Variants in PCMTD1 observed in about 807,000 individuals in gnomAD.
PCMTD1 encodes protein-L-isoaspartate O-methyltransferase domain-containing protein 1.
PCMTD1 carries 12 observed loss-of-function variants against 37.6 expected under a neutral mutation model. That is an observed-to-expected ratio of 0.32 (90% confidence interval 0.20 to 0.52). PCMTD1 has a LOEUF of 0.52. PCMTD1 is among the 20% of genes least tolerant of loss of function. The pLI is 0.97. For missense variants in PCMTD1, 235 were observed against 421.3 expected, an observed-to-expected ratio of 0.56 and a Z score of 3.87; for synonymous variants, 117 against 135.8, an observed-to-expected ratio of 0.86 and a Z score of 0.96.
chr8:51,858,223 G>A (rs192042272), intron 2 of PCMTD1, among the ~76,000 whole-genome samples: 33 of 152,178 alleles, frequency 2.2e-4, no homozygotes, highest in Admixed American at 2.2e-3. Context: ...CCTTAGCTGT[G>A]TTACCAAATC....
chr8:51,846,776 G>T (rs2038226626), intron 2 of PCMTD1, among the ~76,000 whole-genome samples: 1 of 152,116 alleles, frequency 6.6e-6, no homozygotes, highest in Admixed American at 6.5e-5. Flanking sequence ...TTTGAATGTT[G>T]AAACAGTACA....
At chr8:51,899,088 C>A (rs540861204), upstream of PCMTD1, 2 of 1,481,742 alleles carry the variant, frequency 1.3e-6, no homozygotes, top group Admixed American at 4.6e-5. Flanking sequence ...CTCCCGGACT[C>A]CGGAGCCGCC....
chr8:51,866,080 AT>A (rs1288087426), intron 1 of PCMTD1, among the ~76,000 whole-genome samples: 2 of 151,978 alleles, frequency 1.3e-5, no homozygotes, highest in African/African-American at 4.8e-5. Flanking sequence ...CAAAAAAAAA[AT>A]ACCTAAAAGT....
intron 5 of PCMTD1, among the ~76,000 whole-genome samples, chr8:51,820,942 CTG>C (rs1261709309): frequency 1.3e-5 from 2 of 152,060 alleles, no homozygotes; most frequent in African/African-American, 4.8e-5. Context: ...GTGTGTGTGT[CTG>C]TGTGTTGGCA....
intron 2 of PCMTD1, among the ~76,000 whole-genome samples, chr8:51,857,356 GTAT>G (rs2038406176): frequency 6.6e-6 from 1 of 152,174 alleles, no homozygotes; most frequent in Non-Finnish European, 1.5e-5. Context: ...ATGAATCTGT[GTAT>G]TATATGTTTT....
At chr8:51,873,770 G>A (rs1417535243) in intron 1 of PCMTD1, among the ~76,000 whole-genome samples, 1 of 152,116 alleles carries the variant, frequency 6.6e-6, no homozygotes, top group African/African-American at 2.4e-5. Flanking sequence ...CTTCCAGCAT[G>A]AGTAAAAGCT....
intron 2 of PCMTD1, among the ~76,000 whole-genome samples, chr8:51,851,213 G>A (rs2038301692): frequency 6.6e-6 from 1 of 152,234 alleles, no homozygotes; most frequent in East Asian, 1.9e-4. Flanking sequence ...CTCCAGTTTT[G>A]GGGGAGGCAT....
intron 2 of PCMTD1, among the ~76,000 whole-genome samples, chr8:51,848,475 T>C (rs2038256258): frequency 6.6e-6 from 1 of 152,152 alleles, no homozygotes; most frequent in South Asian, 2.1e-4. Flanking sequence ...TAATCAAGGC[T>C]TCTAATCCAT....
At chr8:51,889,593 T>C (rs1241897522) in intron 1 of PCMTD1, among the ~76,000 whole-genome samples, 1 of 152,150 alleles carries the variant, frequency 6.6e-6, no homozygotes, top group African/African-American at 2.4e-5. Context: ...GAAACTGAAG[T>C]CATTCTGAGT....
chr8:51,875,760 T>C lies in PCMTD1; in HGVS notation c.-95-14514A>G, dbSNP rs575673641. On this transcript the variant is annotated intron_variant, in intron 1 of 5. Transcript: ENST00000522514. ...ACGTGGGCAACATGGAGAGACCTCATCTTTACAAAAAAAATTTAAGAATCA... is the reference window on the plus strand; with the variant it reads ...ACGTGGGCAACATGGAGAGACCTCACCTTTACAAAAAAAATTTAAGAATCA... Among the ~76,000 whole-genome samples, 333 of 152,178 alleles carry C rather than the reference T, an allele frequency of 2.2e-3. 2 individuals are homozygous for C. The highest frequency in any genetic ancestry group is 7.5e-3 in the African/African-American group (310 of 41,544).
intron 3 of PCMTD1, among the ~76,000 whole-genome samples, chr8:51,837,229 T>C (rs1309903857): frequency 6.6e-6 from 1 of 152,152 alleles, no homozygotes; most frequent in Non-Finnish European, 1.5e-5. Flanking sequence ...TCTAAATTAA[T>C]AAATTTCTAG....
intron 2 of PCMTD1, among the ~76,000 whole-genome samples, chr8:51,850,526 G>A (rs1440676275): frequency 2.0e-5 from 3 of 152,150 alleles, no homozygotes; most frequent in South Asian, 4.1e-4. Flanking sequence ...AACTGGGGCT[G>A]AGCAGTACTA....
intron 2 of PCMTD1, among the ~76,000 whole-genome samples, chr8:51,854,827 A>C (rs886240899): frequency 6.6e-6 from 1 of 151,262 alleles, no homozygotes; most frequent in Non-Finnish European, 1.5e-5. Context: ...CAGTGAGTGG[A>C]GATGGCACCA....
intron 1 of PCMTD1, among the ~76,000 whole-genome samples, chr8:51,883,396 G>T (rs2038820137): frequency 6.6e-6 from 1 of 152,104 alleles, no homozygotes; most frequent in Non-Finnish European, 1.5e-5. Flanking sequence ...CAAGTGGGGA[G>T]ATTGTTATTA....
chr8:51,857,349 A>G (rs1350204487), intron 2 of PCMTD1, among the ~76,000 whole-genome samples: 1 of 152,220 alleles, frequency 6.6e-6, no homozygotes, highest in Non-Finnish European at 1.5e-5. Context: ...AGGTGGGATG[A>G]ATCTGTGTAT....
At chr8:51,863,207 A>G (rs1444597015) in intron 1 of PCMTD1, among the ~76,000 whole-genome samples, 2 of 152,198 alleles carry the variant, frequency 1.3e-5, no homozygotes, top group Non-Finnish European at 2.9e-5. Context: ...GACTACAAAG[A>G]TATTTGGCAA....
At chr8:51,839,945 T>C (rs897329048) in intron 3 of PCMTD1, among the ~76,000 whole-genome samples, 2 of 152,202 alleles carry the variant, frequency 1.3e-5, no homozygotes, top group African/African-American at 4.8e-5. Flanking sequence ...GACTTTTCCA[T>C]TGTGAAGAAA....
At chr8:51,835,861 G>A (rs959469211) in intron 3 of PCMTD1, among the ~76,000 whole-genome samples, 1 of 152,126 alleles carries the variant, frequency 6.6e-6, no homozygotes, top group Non-Finnish European at 1.5e-5. Flanking sequence ...TTAATTAGTA[G>A]TATTTTATAC....
chr8:51,888,822 A>G (rs1006191467), intron 1 of PCMTD1, among the ~76,000 whole-genome samples: 1 of 152,208 alleles, frequency 6.6e-6, no homozygotes, highest in African/African-American at 2.4e-5. Flanking sequence ...ATTATCCCGC[A>G]TAACTCAACC....
Sources: allele counts gnomAD v4.1 joint callset (sites outside exome capture counted in the v4.1 genomes callset), GRCh38; gene constraint gnomAD v4.1.1; transcripts MANE v1.5; gene names NCBI Gene and HGNC (gene_info 2026-07-23, HGNC 2026-07-21).